MRE11: variants seen among roughly 807,000 people sequenced by gnomAD.
MRE11 encodes the protein double-strand break repair protein MRE11.
In MRE11, 62 loss-of-function variants were observed where a neutral mutation model predicts 91.7. That is an observed-to-expected ratio of 0.68 (90% CI 0.55 to 0.84). The LOEUF (loss-of-function observed/expected upper bound fraction) is 0.84. MRE11 is among the 40% of genes least tolerant of loss of function. The pLI is 0.00. For missense variants in MRE11, 796 were observed against 852.9 expected (o/e 0.93, Z 0.83); for synonymous variants, 273 against 271.4 (o/e 1.01, Z -0.06).
the MRE11 span, among the ~76,000 whole-genome samples, chr11:94,502,087 G>T: frequency 6.6e-6 from 1 of 152,118 alleles, no homozygotes; most frequent in Non-Finnish European, 1.5e-5. Context: ...TGCTCACTGT[G>T]GGCCAACTAT....
At chr11:94,511,888 CT>C in the MRE11 span, among the ~76,000 whole-genome samples, 1 of 152,338 alleles carries the variant, frequency 6.6e-6, no homozygotes, top group East Asian at 1.9e-4. Flanking sequence ...TTGATTTCAT[CT>C]GTAAAGTTAG....
chr11:94,497,874 A>C (rs1455765814), upstream of MRE11: 2 of 529,282 alleles, frequency 3.8e-6, no homozygotes, highest in African/African-American at 3.9e-5. Context: ...AAGTGTAGTT[A>C]ACACTAACTT....
At chr11:94,457,175 A>C (rs1184257939) in intron 13 of MRE11, among the ~76,000 whole-genome samples, 6 of 152,226 alleles carry the variant, frequency 3.9e-5, no homozygotes, top group African/African-American at 1.4e-4. Context: ...AGAGTCTGGT[A>C]TCCTGAAATC....
chr11:94,501,035 T>C, the MRE11 span, among the ~76,000 whole-genome samples: 1 of 152,226 alleles, frequency 6.6e-6, no homozygotes, highest in African/African-American at 2.4e-5. Context: ...GTCTTTGCTA[T>C]AATTAGTTTA....
At chr11:94,481,204 G>C (rs1383561186) in intron 4 of MRE11, among the ~76,000 whole-genome samples, 2 of 152,042 alleles carry the variant, frequency 1.3e-5, no homozygotes, top group Admixed American at 6.6e-5. Context: ...AGCTACTTGG[G>C]AGACTGAGGC....
At chr11:94,442,783 T>G (rs1437420123) in intron 16 of MRE11, among the ~76,000 whole-genome samples, 1 of 152,212 alleles carries the variant, frequency 6.6e-6, no homozygotes, top group East Asian at 1.9e-4. Context: ...GACTGATTTG[T>G]CTCAAGTCAC....
chr11:94,460,924 G>C lies in MRE11; in HGVS notation c.1326+12C>G, dbSNP rs762411134. 7.5e-6 allele frequency: 12 copies of C among 1,602,724 alleles called. No homozygotes were observed. The highest frequency in any genetic ancestry group is 2.7e-5 in the African/African-American group (2 of 74,694). On this transcript the variant is annotated intron_variant, in intron 12 of 19. Coordinates refer to ENST00000323929, the MANE Select transcript of MRE11 (RefSeq NM_005591.4). The stretch of plus-strand genomic sequence containing the variant: ...GTAGCCATTATTCAAAATGTGAACT[G>C]TAAGAAATTACCTTCTCTGCGGTTT...
chr11:94,480,928 G>A (rs996932400), intron 4 of MRE11, among the ~76,000 whole-genome samples: 1 of 152,196 alleles, frequency 6.6e-6, no homozygotes, highest in Non-Finnish European at 1.5e-5. Context: ...ACTCAGGATT[G>A]AGAGTCACAG....
intron 17 of MRE11, among the ~76,000 whole-genome samples, chr11:94,436,784 C>T (rs1470858843): frequency 2.6e-5 from 4 of 152,188 alleles, no homozygotes; most frequent in African/African-American, 9.7e-5. Context: ...CATCTTAAGT[C>T]TAGCAACAGC....
intron 17 of MRE11, among the ~76,000 whole-genome samples, chr11:94,436,870 T>C (rs886171411): frequency 1.2e-4 from 19 of 152,332 alleles, no homozygotes; most frequent in African/African-American, 3.1e-4. Flanking sequence ...TCTATAACCA[T>C]TGAACTCACC....
chr11:94,434,653 G>C (rs1187997508), intron 18 of MRE11, among the ~76,000 whole-genome samples: 2 of 151,986 alleles, frequency 1.3e-5, no homozygotes, highest in African/African-American at 4.8e-5. Context: ...TGAAACCTCA[G>C]GTCAATTTTA....
rs375270111 is a variant in MRE11 at position 94,435,659 on chromosome 11, C to T, written c.1994+173G>A. 3.8e-4 allele frequency among the ~76,000 whole-genome samples: 58 copies of T among 152,308 alleles called. No individual in the cohort carries two copies. The South Asian group carries it at 0.012, about 32-fold the overall frequency. ...TTCACTGAAAATCCTTGTACTAATG[C>T]TGCATCAACTCTATAAACTAGCCCT... On this transcript the variant is annotated intron_variant, in intron 18 of 19. Coordinates refer to ENST00000323929, the MANE Select transcript of MRE11 (RefSeq NM_005591.4).
In MRE11 at chr11:94,467,807, A is replaced by T. The variant is rs532932355; in HGVS notation, c.1098+6T>A. ...ATAATATTCAATCTATATAAATAGG[A>T]CTTACTCGCAGTCGTACAAGAGGCT... is the stretch of plus-strand genomic sequence containing the variant. On this transcript the variant is annotated splice_donor_region_variant and intron_variant, in intron 10 of 19. Transcript: ENST00000323929. The T allele has an allele frequency of 6.2e-7, 1 of 1,600,596 alleles. No individual in the cohort carries two copies. Among genetic ancestry groups the T allele is most frequent in the African/African-American group, 1.3e-5 (1 of 74,758 alleles).
At chr11:94,480,164 T>C (rs1351533965) in intron 4 of MRE11, among the ~76,000 whole-genome samples, 2 of 152,210 alleles carry the variant, frequency 1.3e-5, no homozygotes, top group African/African-American at 4.8e-5. Context: ...ACTTATTGCC[T>C]GTTCAAATTA....
At chr11:94,502,131 A>G in the MRE11 span, among the ~76,000 whole-genome samples, 1 of 152,166 alleles carries the variant, frequency 6.6e-6, no homozygotes. Context: ...ATACCATGTG[A>G]GCCTCACAAC....
Position 94,461,851 on chromosome 11 carries a change from G to A in MRE11, c.1226-815C>T, listed in dbSNP as rs184588605. Among the ~76,000 whole-genome samples, 885 of 152,192 alleles carry A rather than the reference G, an allele frequency of 5.8e-3. 6 individuals carry two copies. Among genetic ancestry groups the A allele is most frequent in the African/African-American group, 0.019 (797 of 41,516 alleles). On this transcript the variant is annotated intron_variant, in intron 11 of 19. Coordinates refer to ENST00000323929, the MANE Select transcript of MRE11 (RefSeq NM_005591.4). ...AGCACTTTGAGAGGCCGAGGTGGGCGGATCACAAGGTCAGGAGATCGAGAC... is the reference window on the plus strand; with the variant it reads ...AGCACTTTGAGAGGCCGAGGTGGGCAGATCACAAGGTCAGGAGATCGAGAC...
At chr11:94,428,264 C>T (rs137934010) in intron 19 of MRE11, among the ~76,000 whole-genome samples, 2 of 152,258 alleles carry the variant, frequency 1.3e-5, no homozygotes, top group East Asian at 3.9e-4. Context: ...TGATCTTTGA[C>T]AATGCTGACA....
chr11:94,467,853 C>T lies in MRE11; in HGVS notation c.1058G>A (p.Gly353Asp), dbSNP rs758816510. 2.5e-6 allele frequency: 4 copies of T among 1,613,556 alleles called. No individual in the cohort carries two copies. In the Admixed American group the frequency reaches 6.7e-5, roughly 27 times the overall value. The stretch of plus-strand genomic sequence containing the variant: ...AGGCTTCTCTGGCTGGTGAGAATTA[C>T]CCAGACGTTCCCGTTCAGCATTTTC... ...MLENAERERL[G>D]NSHQPEKPLV... The change falls in exon 10 of 20, where the codon GGT becomes GAT. Residue 353 changes from glycine to aspartate, a missense_variant. Coordinates refer to ENST00000323929, the MANE Select transcript of MRE11 (RefSeq NM_005591.4).
rs115257907 is a variant in MRE11 at position 94,484,727 on chromosome 11, A to G, written c.314+1197T>C. Among the ~76,000 whole-genome samples the G allele has an allele frequency of 7.5e-3, 1,149 of 152,296 alleles. 12 individuals are homozygous for G. The highest frequency in any genetic ancestry group is 0.025 in the African/African-American group (1,051 of 41,564). ...CTTCACTTCTTGAATATTCTCCCCC[A>G]AAACCTGTAATCCCAATCTAATCAT... On this transcript the variant is annotated intron_variant, in intron 4 of 19. Coordinates refer to ENST00000323929, the MANE Select transcript of MRE11 (RefSeq NM_005591.4).
Sources: allele counts gnomAD v4.1 joint callset (sites outside exome capture counted in the v4.1 genomes callset), GRCh38; gene constraint gnomAD v4.1.1; transcripts MANE v1.5; gene names NCBI Gene and HGNC (gene_info 2026-07-23, HGNC 2026-07-21).